The following GPHN variants were observed in gnomAD, a reference collection of about 807,000 sequenced individuals.
GPHN encodes the protein gephyrin.
Under a neutral mutation model 95.5 loss-of-function variants are expected in GPHN, and 17 were observed. The ratio of observed to expected loss-of-function variants is 0.18; its 90% confidence interval spans 0.12 to 0.27. GPHN has a LOEUF of 0.27. GPHN is among the 10% of genes least tolerant of loss of function. GPHN has a pLI of 1.00. For missense variants in GPHN, 660 were observed against 978.1 expected (o/e 0.67, Z 4.34); for synonymous variants, 320 against 322.5 (o/e 0.99, Z 0.08).
At chr14:66,614,671 A>G (rs547686000) in intron 1 of GPHN, among the ~76,000 whole-genome samples, 1 of 151,850 alleles carries the variant, frequency 6.6e-6, no homozygotes, top group South Asian at 2.1e-4. Flanking sequence ...CTCGTTTCCA[A>G]TTTAAAAGGG....
At chr14:66,889,384 T>C (rs1432756301) in intron 5 of GPHN, among the ~76,000 whole-genome samples, 2 of 152,074 alleles carry the variant, frequency 1.3e-5, no homozygotes, top group Admixed American at 6.6e-5. Context: ...ATAGATGCCA[T>C]AAAAAGTATA....
At chr14:66,558,241 G>T (rs1200226523) in intron 1 of GPHN, among the ~76,000 whole-genome samples, 2 of 152,090 alleles carry the variant, frequency 1.3e-5, no homozygotes, top group Non-Finnish European at 1.5e-5. Context: ...GCTTCCTGAG[G>T]AACTATAGCA....
chr14:67,473,894 C>G, the GPHN span: 1 of 1,608,534 alleles, frequency 6.2e-7, no homozygotes, highest in South Asian at 1.1e-5. The surrounding 1 kb of genome is among the most constrained non-coding windows in gnomAD (Gnocchi z 6.5). Context: ...ACCAGCGGGA[C>G]AGCGCCGTCA....
chr14:67,564,269 C>G, the GPHN span, among the ~76,000 whole-genome samples: 1 of 152,088 alleles, frequency 6.6e-6, no homozygotes, highest in African/African-American at 2.4e-5. Context: ...TCTCAATGTG[C>G]TGGGATTATA....
intron 1 of GPHN, among the ~76,000 whole-genome samples, chr14:66,581,121 A>G (rs2061146593): frequency 2.0e-5 from 3 of 151,776 alleles, no homozygotes; most frequent in Admixed American, 2.0e-4. Context: ...TTTATGATAA[A>G]AACCCGCAGC....
the GPHN span, among the ~76,000 whole-genome samples, chr14:67,480,684 C>T: frequency 9.7e-4 from 148 of 152,306 alleles, 2 homozygotes; most frequent in African/African-American, 3.5e-3. Flanking sequence ...CTCTTCCAAC[C>T]CCCAGGGCCC....
In GPHN at chr14:67,144,236, T is replaced by TA. The variant is rs1216565518; in HGVS notation, c.1836+802dup. Among the ~76,000 whole-genome samples the TA allele has an allele frequency of 5.8e-3, 311 of 54,068 alleles. 5 individuals carry two copies. The highest frequency in any genetic ancestry group is 0.023 in the Middle Eastern group (2 of 88). 35.5% of individuals were successfully genotyped at this position (54,068 alleles called of 152,430 possible). Reference sequence around the variant, plus strand: ...TGGGCAACACAGCAAGACCCTGTCTTAAAAAAAAAAAAAAATATATATATA... The same window carrying TA: ...TGGGCAACACAGCAAGACCCTGTCTTAAAAAAAAAAAAAAAATATATATATA... On this transcript the variant is annotated intron_variant, in intron 18 of 22. Coordinates refer to ENST00000478722, the MANE Select transcript of GPHN (RefSeq NM_020806.5).
chr14:67,517,452 C>G, the GPHN span, among the ~76,000 whole-genome samples: 1 of 152,112 alleles, frequency 6.6e-6, no homozygotes, highest in Non-Finnish European at 1.5e-5. Context: ...CTTTTAAACT[C>G]AGAGGCAAAA....
At chr14:67,491,503 G>T in the GPHN span, among the ~76,000 whole-genome samples, 1 of 152,130 alleles carries the variant, frequency 6.6e-6, no homozygotes, top group Non-Finnish European at 1.5e-5. Context: ...GTTATCAAAG[G>T]TGCTTATTAT....
At chr14:66,922,109 T>C (rs1479487933) in intron 6 of GPHN, among the ~76,000 whole-genome samples, 1 of 152,010 alleles carries the variant, frequency 6.6e-6, no homozygotes, top group Non-Finnish European at 1.5e-5. Flanking sequence ...ATAAAAATTA[T>C]AGAAGATAAC....
At chr14:67,729,778 G>T in the GPHN span, 1 of 501,924 alleles carries the variant, frequency 2.0e-6, no homozygotes, top group Non-Finnish European at 4.0e-6. Flanking sequence ...CTCTCTCTTC[G>T]GTGTGAACTC....
chr14:67,511,710 G>A, the GPHN span, among the ~76,000 whole-genome samples: 8 of 152,282 alleles, frequency 5.3e-5, no homozygotes, highest in East Asian at 9.6e-4. Flanking sequence ...AGGAGCAGGG[G>A]GCCAGCATCA....
chr14:66,586,982 A>G (rs1483993431), intron 1 of GPHN, among the ~76,000 whole-genome samples: 1 of 152,202 alleles, frequency 6.6e-6, no homozygotes, highest in Non-Finnish European at 1.5e-5. Context: ...CAGAAGATAA[A>G]CAGTTGACAA....
At chr14:67,069,017 G>C (rs775698200) in intron 11 of GPHN, among the ~76,000 whole-genome samples, 40 of 152,112 alleles carry the variant, frequency 2.6e-4, no homozygotes, top group Non-Finnish European at 4.9e-4. Flanking sequence ...TAAGGGAAAA[G>C]GAAATAAGGT....
At chr14:66,839,491 G>C (rs1461628612) in intron 4 of GPHN, among the ~76,000 whole-genome samples, 1 of 152,148 alleles carries the variant, frequency 6.6e-6, no homozygotes, top group East Asian at 1.9e-4. Context: ...GGTCAGTTTT[G>C]ATTAGGAGGT....
the GPHN span, among the ~76,000 whole-genome samples, chr14:67,675,279 G>A: frequency 2.1e-3 from 322 of 152,176 alleles, 2 homozygotes; most frequent in African/African-American, 7.4e-3. Context: ...AGGCCGAGGT[G>A]GGAGGATTGC....
chr14:67,198,132 TCA>T, the GPHN span: 1 of 1,593,956 alleles, frequency 6.3e-7, no homozygotes, highest in Middle Eastern at 1.7e-4. Flanking sequence ...TTCCATTCCC[TCA>T]GTTTTTTTAT....
the GPHN span, among the ~76,000 whole-genome samples, chr14:67,484,172 C>CT: frequency 6.6e-6 from 1 of 152,162 alleles, no homozygotes; most frequent in African/African-American, 2.4e-5. Flanking sequence ...TGATATGTTG[C>CT]TACTTATTTA....
At chr14:67,380,544 T>C in the GPHN span, 89 of 461,604 alleles carry the variant, frequency 1.9e-4, 1 homozygote, top group Non-Finnish European at 3.1e-4. Flanking sequence ...TTAACTATTA[T>C]ATGCATTAAC....
Sources: gnomAD v4.1 joint callset for allele counts (sites outside exome capture counted in the v4.1 genomes callset) on GRCh38, gnomAD v4.1.1 for gene constraint, Gnocchi (gnomAD v3.1) non-coding constraint, MANE v1.5 for transcripts, NCBI Gene and HGNC (gene_info 2026-07-23, HGNC 2026-07-21) for gene names.